KCNAB1: variants seen among roughly 807,000 people sequenced by gnomAD.
The protein encoded by KCNAB1 is voltage-gated potassium channel subunit beta-1.
KCNAB1 carries 35 observed loss-of-function variants against 64.6 expected under a neutral mutation model. The ratio of observed to expected loss-of-function variants is 0.54; its 90% CI spans 0.41 to 0.72. The LOEUF (loss-of-function observed/expected upper bound fraction) is 0.72. KCNAB1 is among the 30% of genes least tolerant of loss of function. KCNAB1 has a pLI of 0.00. For missense variants in KCNAB1, 401 were observed against 512.9 expected (o/e 0.78, Z 2.11); for synonymous variants, 177 against 183.8 (o/e 0.96, Z 0.30).
intron 1 of KCNAB1, among the ~76,000 whole-genome samples, chr3:156,278,680 A>T (rs1022734343): frequency 1.3e-5 from 2 of 152,186 alleles, no homozygotes; most frequent in Non-Finnish European, 2.9e-5. Context: ...GAAATTGTGA[A>T]ATCATTTTTA....
chr3:156,135,440 T>G (rs1212190150), intron 1 of KCNAB1, among the ~76,000 whole-genome samples: 2 of 152,228 alleles, frequency 1.3e-5, no homozygotes, highest in Admixed American at 1.3e-4. Context: ...AAACTTGCAC[T>G]TTATTCCAGT....
intron 1 of KCNAB1, among the ~76,000 whole-genome samples, chr3:156,410,441 C>T (rs1278516990): frequency 6.6e-6 from 1 of 152,208 alleles, no homozygotes; most frequent in Non-Finnish European, 1.5e-5. Flanking sequence ...AAATTCATTT[C>T]TCATAGTCTG....
intron 1 of KCNAB1, among the ~76,000 whole-genome samples, chr3:156,205,279 C>T (rs1714586306): frequency 6.6e-6 from 1 of 152,038 alleles, no homozygotes; most frequent in Non-Finnish European, 1.5e-5. Flanking sequence ...TTTAAACATC[C>T]ACCTTGGTAT....
intron 1 of KCNAB1, among the ~76,000 whole-genome samples, chr3:156,164,276 G>A (rs925729635): frequency 6.6e-6 from 1 of 152,084 alleles, no homozygotes; most frequent in African/African-American, 2.4e-5. Flanking sequence ...CTTTCAAAGT[G>A]CTTTTGCAAT....
intron 1 of KCNAB1, among the ~76,000 whole-genome samples, chr3:156,127,890 T>G (rs979050142): frequency 6.8e-6 from 1 of 147,208 alleles, no homozygotes; most frequent in South Asian, 2.1e-4. Flanking sequence ...TTGGGGTGTG[T>G]GTGTGTGTGT....
intron 1 of KCNAB1, among the ~76,000 whole-genome samples, chr3:156,387,014 C>CTTTTTTTTTTTTTT (rs1194708289): frequency 3.2e-4 from 29 of 90,490 alleles, no homozygotes; most frequent in Non-Finnish European, 4.2e-4. Flanking sequence ...TTCTCTCTCT[C>CTTTTTTTTTTTTTT]TTTTTTTTTT....
intron 2 of KCNAB1, among the ~76,000 whole-genome samples, chr3:156,430,533 A>T (rs1716132734): frequency 6.6e-6 from 1 of 152,202 alleles, no homozygotes; most frequent in African/African-American, 2.4e-5. Context: ...CGATCTCACT[A>T]AACATCATTA....
intron 1 of KCNAB1, among the ~76,000 whole-genome samples, chr3:156,198,307 C>CTATTAGGTCTA (rs1351934223): frequency 6.6e-6 from 1 of 152,088 alleles, no homozygotes; most frequent in Non-Finnish European, 1.5e-5. Context: ...ATTAGGTCTG[C>CTATTAGGTCTA]TTGGTTCAGA....
chr3:156,223,898 C>T (rs938897670), intron 1 of KCNAB1, among the ~76,000 whole-genome samples: 9 of 152,266 alleles, frequency 5.9e-5, no homozygotes, highest in Admixed American at 2.0e-4. Flanking sequence ...GCCAGTCCTG[C>T]GCCATGTGCC....
intron 1 of KCNAB1, among the ~76,000 whole-genome samples, chr3:156,292,428 G>A (rs1161919381): frequency 6.6e-6 from 1 of 152,182 alleles, no homozygotes; most frequent in African/African-American, 2.4e-5. Flanking sequence ...TTTAGATCAG[G>A]ATAGTTTTTC....
rs56216211 is a variant in KCNAB1, at chr3:156,143,569, GT to G, written c.275+22711del. 1,499 of 295,868 alleles carry G rather than the reference GT, an allele frequency of 5.1e-3. 8 individuals carry two copies. The highest frequency in any genetic ancestry group is 0.019 in the African/African-American group (663 of 34,104). The allele number at this position is 295,868 out of a possible 1,614,324, so 18.3% of individuals were successfully genotyped here. On this transcript the variant is annotated intron_variant, in intron 1 of 13. Transcript: ENST00000490337. Reference sequence around the variant, plus strand: ...AGCCCTCTTCTTGGGTTGCATTCTTGTTTTTTTTTTTTTTTTTTTTTTTTTT... The same window carrying G: ...AGCCCTCTTCTTGGGTTGCATTCTTGTTTTTTTTTTTTTTTTTTTTTTTTT...
At chr3:156,186,860 T>C (rs1472583665) in intron 1 of KCNAB1, among the ~76,000 whole-genome samples, 11 of 151,762 alleles carry the variant, frequency 7.2e-5, no homozygotes. Context: ...TTTTTTTTTT[T>C]TTCTTTCTGG....
intron 1 of KCNAB1, among the ~76,000 whole-genome samples, chr3:156,229,471 G>T (rs547837925): frequency 6.6e-6 from 1 of 152,196 alleles, no homozygotes; most frequent in Non-Finnish European, 1.5e-5. Context: ...TGAGATTTGG[G>T]CAGGGACACA....
chr3:156,331,731 G>T (rs557425675), intron 1 of KCNAB1, among the ~76,000 whole-genome samples: 1 of 152,138 alleles, frequency 6.6e-6, no homozygotes, highest in South Asian at 2.1e-4. Context: ...ATAAAAGTTA[G>T]CAGTCTTATG....
chr3:156,314,837 A>C (rs1722168056), intron 1 of KCNAB1, among the ~76,000 whole-genome samples: 1 of 152,172 alleles, frequency 6.6e-6, no homozygotes, highest in South Asian at 2.1e-4. Flanking sequence ...ACATGGTGAT[A>C]TCCCCATCTC....
At chr3:156,468,766 G>A (rs1044187374) in intron 7 of KCNAB1, among the ~76,000 whole-genome samples, 4 of 152,174 alleles carry the variant, frequency 2.6e-5, no homozygotes, top group Admixed American at 2.0e-4. Context: ...TTCTGAAACA[G>A]CTACAATAAG....
At chr3:156,535,254 T>C (rs1718974465) in intron 13 of KCNAB1, among the ~76,000 whole-genome samples, 1 of 152,198 alleles carries the variant, frequency 6.6e-6, no homozygotes, top group African/African-American at 2.4e-5. Context: ...CAAGGTCACC[T>C]TGGCCAGCAG....
rs77930067 is a variant in KCNAB1 at position 156,175,902 on chromosome 3, G to A, written c.275+55016G>A. 1,956 of 789,810 alleles carry A rather than the reference G, an allele frequency of 2.5e-3. 24 individuals are homozygous for A. In the African/African-American group the frequency reaches 0.028, roughly 11 times the overall value. 48.9% of individuals were successfully genotyped at this position (789,810 alleles called of 1,614,324 possible). A position where few individuals can be genotyped will look rare whatever the true frequency, so the allele number is the denominator to read the frequency against. ...TGTCACTCGATGCTGAGATAATGAA[G>A]GGCTAGTCAGGGTGGAAAGCAACTT... On this transcript the variant is annotated intron_variant, in intron 1 of 13. Coordinates refer to ENST00000490337, the MANE Select transcript of KCNAB1 (RefSeq NM_172160.3).
Position 156,537,840 on chromosome 3 carries a change from A to C in KCNAB1, c.*1093A>C, listed in dbSNP as rs987613994. The C allele has an allele frequency of 2.6e-5, 4 of 152,660 alleles. No homozygotes were observed. Among genetic ancestry groups the C allele is most frequent in the Non-Finnish European group, 5.9e-5 (4 of 68,040 alleles). 9.5% of individuals were successfully genotyped at this position (152,660 alleles called of 1,614,324 possible). On this transcript the variant is annotated 3_prime_UTR_variant, in exon 14 of 14. Coordinates refer to ENST00000490337, the MANE Select transcript of KCNAB1 (RefSeq NM_172160.3). ...ATTTTTGAGGCATTGTTAACATGAA[A>C]GTCAACCACTGGCTTTGTGAAAAAT...
Sources: gnomAD v4.1 joint callset for allele counts (sites outside exome capture counted in the v4.1 genomes callset) on GRCh38, gnomAD v4.1.1 for gene constraint, MANE v1.5 for transcripts, NCBI Gene and HGNC (gene_info 2026-07-23, HGNC 2026-07-21) for gene names.